The following METTL22 variants were observed in gnomAD, a reference collection of about 807,000 sequenced individuals.
METTL22 encodes methyltransferase-like protein 22.
METTL22 carries 51 observed loss-of-function variants against 48.4 expected under a neutral mutation model. The observed-to-expected ratio is 1.05, with a 90% confidence interval of 0.84 to 1.33. METTL22 has a LOEUF of 1.33. Among genes scored for constraint, METTL22 ranks in the 40% most tolerant of loss-of-function variants. The pLI is 0.00. For synonymous variants in METTL22, 255 were observed against 214.1 expected, an observed-to-expected ratio of 1.19 and a Z score of -1.67; for missense variants, 678 against 526.9, an observed-to-expected ratio of 1.29 and a Z score of -2.81.
downstream of METTL22, among the ~76,000 whole-genome samples, chr16:8,652,097 G>A (rs1208590232): frequency 6.6e-6 from 1 of 152,190 alleles, no homozygotes. Flanking sequence ...CGGGCTGCCA[G>A]TTGGGGGAGA....
chr16:8,660,607 A>G, the METTL22 span, among the ~76,000 whole-genome samples: 1 of 152,050 alleles, frequency 6.6e-6, no homozygotes, highest in African/African-American at 2.4e-5. Context: ...GACTTTTAAT[A>G]CATACTCACT....
At chr16:8,644,997 C>T (rs537923710) in intron 10 of METTL22, 96 of 276,590 alleles carry the variant, frequency 3.5e-4, no homozygotes, top group African/African-American at 2.1e-3. Flanking sequence ...AGTTCAGACT[C>T]CAGAGGAGGC....
At chr16:8,663,844 C>T in the METTL22 span, among the ~76,000 whole-genome samples, 5,027 of 149,310 alleles carry the variant, frequency 0.034, 137 homozygotes, top group Non-Finnish European at 0.051. Flanking sequence ...AGTCTCAGCA[C>T]TGCCAACGTG....
chr16:8,635,348 T>G (rs1567235378), intron 5 of METTL22, 36 bp downstream of exon 5: 2 of 1,509,286 alleles, frequency 1.3e-6, no homozygotes, highest in African/African-American at 2.8e-5. Context: ...AGGGAAGTAG[T>G]CACCTTCACA....
rs373939069 is a variant in METTL22, at chr16:8,638,260, T to C, written c.701-831T>C. 1.8e-4 allele frequency among the ~76,000 whole-genome samples: 28 copies of C among 152,322 alleles called. No homozygotes were observed. In the East Asian group the frequency reaches 2.3e-3, roughly 13 times the overall value. ...GCAAGCAGGGAGCTCCTCCCGTACA[T>C]GGCTCTGTGTGACCCCTGGGGTGCA... On this transcript the variant is annotated intron_variant, in intron 5 of 10. Transcript: ENST00000381920.
chr16:8,634,523 C>T (rs1041617557), intron 3 of METTL22, among the ~76,000 whole-genome samples: 4 of 152,046 alleles, frequency 2.6e-5, no homozygotes, highest in South Asian at 2.1e-4. Context: ...TACTTTTCAA[C>T]GTTTTTAAAA....
At position 8,646,276 on chromosome 16, in the gene METTL22, C is replaced by T; in HGVS notation, c.*133C>T. The stretch of plus-strand genomic sequence containing the variant: ...TATGGTTACACGTACCTTAGATGAC[C>T]CAAGATGGTTTTCTGGGGTCTGTCC... On this transcript the variant is annotated 3_prime_UTR_variant, in exon 11 of 11. Transcript: ENST00000381920. The T allele has an allele frequency of 2.6e-6, 3 of 1,170,844 alleles. No individual in the cohort carries two copies. The highest frequency in any genetic ancestry group is 2.5e-6 in the Non-Finnish European group (2 of 802,250). 72.5% of individuals were successfully genotyped at this position (1,170,844 alleles called of 1,614,324 possible).
At chr16:8,635,135 G>T in intron 4 of METTL22, 33 bp from the exon 5 acceptor site, 1 of 1,613,844 alleles carries the variant, frequency 6.2e-7, no homozygotes, top group Admixed American at 1.7e-5. Context: ...AGAGCCTCAC[G>T]CTGCTTGTCG....
At chr16:8,638,809 C>T (rs532932151) in intron 5 of METTL22, among the ~76,000 whole-genome samples, 2 of 152,244 alleles carry the variant, frequency 1.3e-5, no homozygotes, top group East Asian at 1.9e-4. Flanking sequence ...GGGAAGTGCA[C>T]GCGTGTTGCA....
chr16:8,661,101 T>A, the METTL22 span, among the ~76,000 whole-genome samples: 13,133 of 152,148 alleles, frequency 0.086, 716 homozygotes, highest in Middle Eastern at 0.13. Flanking sequence ...GCACCTTGCG[T>A]CCCTGCTGGC....
chr16:8,654,970 T>G, the METTL22 span, among the ~76,000 whole-genome samples: 1 of 152,116 alleles, frequency 6.6e-6, no homozygotes, highest in African/African-American at 2.4e-5. Context: ...AAGGTGGACA[T>G]AAATCCAGCC....
Position 8,628,928 on chromosome 16 carries a change from T to C in METTL22, c.332T>C (p.Val111Ala), listed in dbSNP as rs775160091. Residue 111 changes from valine (V) to alanine (A), a missense_variant, in exon 3 of 11, where the codon GTG (valine) becomes GCG (alanine). Transcript: ENST00000381920. ...GGGACTGACACCACTGGCCAGGAAGTGGCTGAAGCTCAGCTGGATGAGGAT... is the reference window on the plus strand; with the variant it reads ...GGGACTGACACCACTGGCCAGGAAGCGGCTGAAGCTCAGCTGGATGAGGAT... ...QAGTDTTGQE[V>A]AEAQLDEDGD... 19 of 1,613,988 alleles carry C rather than the reference T, an allele frequency of 1.2e-5. No homozygotes were observed. The highest frequency in any genetic ancestry group is 1.6e-5 in the Non-Finnish European group (19 of 1,180,008).
the METTL22 span, among the ~76,000 whole-genome samples, chr16:8,656,194 A>G: frequency 4.5e-4 from 68 of 152,098 alleles, no homozygotes; most frequent in Non-Finnish European, 2.9e-5. Flanking sequence ...CAGTCTTTCT[A>G]CCTCAGCCTC....
chr16:8,626,911 C>T (rs934628385), intron 2 of METTL22, among the ~76,000 whole-genome samples: 1 of 152,056 alleles, frequency 6.6e-6, no homozygotes, highest in Non-Finnish European at 1.5e-5. Context: ...GGACTACAGG[C>T]ACCCGCCACC....
chr16:8,640,245 C>T (rs1163320464), intron 6 of METTL22, among the ~76,000 whole-genome samples: 5 of 152,108 alleles, frequency 3.3e-5, no homozygotes, highest in Middle Eastern at 3.4e-3. Flanking sequence ...ATGGAGGGAG[C>T]ATGCTGGTGG....
the METTL22 span, among the ~76,000 whole-genome samples, chr16:8,657,595 G>C: frequency 6.6e-6 from 1 of 152,136 alleles, no homozygotes; most frequent in South Asian, 2.1e-4. Flanking sequence ...AGAAACTGAA[G>C]ACAAAGGATG....
At chr16:8,660,874 G>A in the METTL22 span, among the ~76,000 whole-genome samples, 55 of 23,346 alleles carry the variant, frequency 2.4e-3, 4 homozygotes, top group African/African-American at 5.1e-3. Flanking sequence ...AGGAGGAGGA[G>A]GAAGAGGAGG....
rs62030899 is a variant in METTL22, at chr16:8,644,253, G to A, written c.1011-304G>A. On this transcript the variant is annotated intron_variant, in intron 9 of 10. Transcript: ENST00000381920. ...GCTGGGTGCAGGCAGGACCTGGAGG[G>A]CGTCCTCAAGTGTTGATCTGCAGGA... Among the ~76,000 whole-genome samples, 505 of 152,312 alleles carry A rather than the reference G, an allele frequency of 3.3e-3. 2 individuals are homozygous for A. The highest frequency in any genetic ancestry group is 5.1e-3 in the Non-Finnish European group (347 of 68,032).
chr16:8,626,882 T>C (rs1272809087), intron 2 of METTL22, among the ~76,000 whole-genome samples: 2 of 145,224 alleles, frequency 1.4e-5, no homozygotes, highest in Non-Finnish European at 3.0e-5. Flanking sequence ...TTCTCCTGCC[T>C]CAGCCTCCCA....
Sources: allele counts gnomAD v4.1 joint callset (sites outside exome capture counted in the v4.1 genomes callset), GRCh38; gene constraint gnomAD v4.1.1; transcripts MANE v1.5; gene names NCBI Gene and HGNC (gene_info 2026-07-23, HGNC 2026-07-21).